RBFOX1: variants seen among roughly 807,000 people sequenced by gnomAD.
The protein encoded by RBFOX1 is RNA binding protein fox-1 homolog 1.
Under a neutral mutation model 57.7 loss-of-function variants are expected in RBFOX1, and 8 were observed. The ratio of observed to expected loss-of-function variants is 0.14; its 90% CI spans 0.08 to 0.25. The LOEUF is 0.25. Ranked by LOEUF, RBFOX1 falls within the 10% of genes least tolerant of loss-of-function variation. The pLI is 1.00. For synonymous variants in RBFOX1, 326 were observed against 222.4 expected, an observed-to-expected ratio of 1.47 and a Z score of -4.15; for missense variants, 611 against 548.5, an observed-to-expected ratio of 1.11 and a Z score of -1.14.
intron 4 of RBFOX1, among the ~76,000 whole-genome samples, chr16:7,208,397 A>G (rs573114599): frequency 7.5e-4 from 115 of 152,330 alleles, no homozygotes; most frequent in African/African-American, 2.4e-3. Context: ...CAGGCTGTGT[A>G]AGAAGCAGGC....
At chr16:6,870,028 A>G (rs1449579251) in intron 3 of RBFOX1, among the ~76,000 whole-genome samples, 2 of 152,166 alleles carry the variant, frequency 1.3e-5, no homozygotes, top group East Asian at 3.9e-4. Flanking sequence ...ATGCATATCT[A>G]TCTCTCAGCT....
intron 4 of RBFOX1, among the ~76,000 whole-genome samples, chr16:7,310,198 G>C (rs1473265583): frequency 6.6e-6 from 1 of 152,230 alleles, no homozygotes; most frequent in Non-Finnish European, 1.5e-5. Flanking sequence ...GGCCGCCTCT[G>C]CTGGGAGACA....
chr16:7,077,971 G>T (rs1006473887), intron 4 of RBFOX1, among the ~76,000 whole-genome samples: 1 of 152,192 alleles, frequency 6.6e-6, no homozygotes, highest in Non-Finnish European at 1.5e-5. Context: ...CTCAAGGGCT[G>T]TGCTGTCTCC....
chr16:5,766,422 T>A (rs1216314394), intron 3 of RBFOX1, among the ~76,000 whole-genome samples: 2 of 151,946 alleles, frequency 1.3e-5, no homozygotes, highest in Middle Eastern at 3.2e-3. Flanking sequence ...TCGTCTCTAC[T>A]AAAATGCAAA....
intron 1 of RBFOX1, among the ~76,000 whole-genome samples, chr16:6,297,885 C>G (rs1485135362): frequency 6.6e-6 from 1 of 152,190 alleles, no homozygotes; most frequent in Non-Finnish European, 1.5e-5. Flanking sequence ...ACTCCATCCC[C>G]TTTCCAGCTC....
intron 2 of RBFOX1, among the ~76,000 whole-genome samples, chr16:6,603,617 C>G (rs980418189): frequency 6.6e-6 from 1 of 152,112 alleles, no homozygotes; most frequent in African/African-American, 2.4e-5. Flanking sequence ...AAAGCCCCCC[C>G]GGGCAGCCGC....
rs138291558 is a variant in RBFOX1 at position 7,443,372 on chromosome 16, C to G, written c.28-74775C>G. On this transcript the variant is annotated intron_variant, in intron 4 of 15. Coordinates refer to ENST00000550418, the MANE Select transcript of RBFOX1 (RefSeq NM_018723.4). ...CCATCCCCCTCCTGTCTCACACACT[C>G]TCTTTCACATTAATCATGTAATTGA... Among the ~76,000 whole-genome samples, 12 of 152,082 alleles carry G rather than the reference C, an allele frequency of 7.9e-5. No homozygotes were observed. In the East Asian group the frequency reaches 1.6e-3, roughly 20 times the overall value.
chr16:6,386,319 A>T (rs568459631), intron 2 of RBFOX1, among the ~76,000 whole-genome samples: 1 of 152,168 alleles, frequency 6.6e-6, no homozygotes, highest in African/African-American at 2.4e-5. Flanking sequence ...GGGAACACCA[A>T]TACCCGTAAA....
At chr16:6,125,427 C>G (rs1236515977) in intron 1 of RBFOX1, among the ~76,000 whole-genome samples, 1 of 152,148 alleles carries the variant, frequency 6.6e-6, no homozygotes, top group Admixed American at 6.6e-5. Context: ...TCTTGTTTGT[C>G]TGCTTTGGGT....
At chr16:5,448,789 G>T (rs184061909) in intron 1 of RBFOX1, among the ~76,000 whole-genome samples, 1 of 152,312 alleles carries the variant, frequency 6.6e-6, no homozygotes, top group African/African-American at 2.4e-5. Flanking sequence ...CACAAATTCG[G>T]TGCCCAGCAT....
At chr16:7,301,141 T>C (rs1399752057) in intron 4 of RBFOX1, among the ~76,000 whole-genome samples, 1 of 152,226 alleles carries the variant, frequency 6.6e-6, no homozygotes, top group Non-Finnish European at 1.5e-5. Context: ...AGTGTTGTCA[T>C]CAAGTGAGCG....
intron 2 of RBFOX1, among the ~76,000 whole-genome samples, chr16:6,597,618 G>A (rs564497227): frequency 6.6e-6 from 1 of 152,208 alleles, no homozygotes; most frequent in East Asian, 1.9e-4. Flanking sequence ...AGATTGCAGT[G>A]AGCTGAGATA....
intron 3 of RBFOX1, among the ~76,000 whole-genome samples, chr16:5,727,369 C>G (rs982719269): frequency 6.6e-6 from 1 of 152,106 alleles, no homozygotes; most frequent in Middle Eastern, 3.2e-3. Flanking sequence ...TAATGACTGA[C>G]AAATAAAAAT....
At chr16:6,730,420 C>G (rs1473679828) in intron 3 of RBFOX1, among the ~76,000 whole-genome samples, 1 of 148,070 alleles carries the variant, frequency 6.8e-6, no homozygotes, top group African/African-American at 2.5e-5. Flanking sequence ...ATCTCTCTAT[C>G]TCATCTATAT....
At chr16:7,182,275 A>G (rs1180902313) in intron 4 of RBFOX1, among the ~76,000 whole-genome samples, 2 of 152,130 alleles carry the variant, frequency 1.3e-5, no homozygotes, top group African/African-American at 2.4e-5. Flanking sequence ...ATGCTCCTCT[A>G]TAGGGATGTG....
intron 1 of RBFOX1, among the ~76,000 whole-genome samples, chr16:5,357,550 T>A (rs893229124): frequency 1.3e-5 from 2 of 152,196 alleles, no homozygotes; most frequent in Non-Finnish European, 1.5e-5. Flanking sequence ...AGGAATCAGC[T>A]GGGATCTTGT....
intron 3 of RBFOX1, among the ~76,000 whole-genome samples, chr16:6,673,142 A>G (rs186697262): frequency 1.5e-4 from 23 of 152,286 alleles, no homozygotes; most frequent in African/African-American, 9.6e-5. Flanking sequence ...TTTCCAGGTG[A>G]TCAGTGATGT....
Position 7,551,625 on chromosome 16 carries a change from G to A in RBFOX1, c.271-28152G>A, listed in dbSNP as rs570145716. Among the ~76,000 whole-genome samples, 20 of 152,306 alleles carry A rather than the reference G, an allele frequency of 1.3e-4. No homozygotes were observed. The East Asian group carries it at 3.9e-3, about 29-fold the overall frequency. On this transcript the variant is annotated intron_variant, in intron 5 of 15. Transcript: ENST00000550418. ...ACAAAGAACTAAAAAGGGTAATGCA[G>A]TGGAATACTGTGACCTGGAGGAGCA... is the stretch of plus-strand genomic sequence containing the variant.
At chr16:5,379,225 C>T (rs2066069014) in intron 1 of RBFOX1, among the ~76,000 whole-genome samples, 1 of 151,542 alleles carries the variant, frequency 6.6e-6, no homozygotes, top group African/African-American at 2.4e-5. Flanking sequence ...AAAATTTAAT[C>T]ATAAAAGTTC....
Sources: gnomAD v4.1 joint callset for allele counts (sites outside exome capture counted in the v4.1 genomes callset) on GRCh38, gnomAD v4.1.1 for gene constraint, MANE v1.5 for transcripts, NCBI Gene and HGNC (gene_info 2026-07-23, HGNC 2026-07-21) for gene names.